The following EPS8 variants were observed in gnomAD, a reference collection of about 807,000 sequenced individuals.
EPS8 encodes the protein epidermal growth factor receptor kinase substrate 8.
In EPS8, 42 loss-of-function variants were observed where a neutral mutation model predicts 103.8. The ratio of observed to expected loss-of-function variants is 0.40; its 90% CI spans 0.32 to 0.52. The LOEUF (loss-of-function observed/expected upper bound fraction) is 0.52, where lower values mean the gene tolerates loss of function less well. EPS8 is among the 20% of genes least tolerant of loss of function. EPS8 has a pLI of 0.40. For missense variants in EPS8, 969 were observed against 1,005.1 expected (o/e 0.96, Z 0.49); for synonymous variants, 344 against 344.6 (o/e 1.00, Z 0.02).
chr12:15,664,692 C>T (rs1276619344), intron 8 of EPS8, among the ~76,000 whole-genome samples: 2 of 152,032 alleles, frequency 1.3e-5, no homozygotes, highest in African/African-American at 2.4e-5. Flanking sequence ...AACTATAGTG[C>T]CAGATACCCT....
rs529821784 is a variant in EPS8, at chr12:15,740,103, T to A, written c.-22+49058A>T. On this transcript the variant is annotated intron_variant, in intron 1 of 20. Coordinates refer to ENST00000281172, the MANE Select transcript of EPS8 (RefSeq NM_004447.6). ...AGAAAAAATCGGAGCAGACTAGAAA[T>A]CTTGTGAGCAAAACACTAGAAAAAA... 9.2e-5 allele frequency among the ~76,000 whole-genome samples: 14 copies of A among 151,926 alleles called. No individual in the cohort carries two copies. In the South Asian group the frequency reaches 2.5e-3, roughly 27 times the overall value.
chr12:15,771,012 T>C lies in EPS8; in HGVS notation c.-22+18149A>G, dbSNP rs757630734. Among the ~76,000 whole-genome samples, 1 of 152,130 alleles carries C rather than the reference T, an allele frequency of 6.6e-6. No homozygotes were observed. Among genetic ancestry groups the C allele is most frequent in the Non-Finnish European group, 1.5e-5 (1 of 68,020 alleles). On this transcript the variant is annotated intron_variant, in intron 1 of 20. Coordinates refer to ENST00000281172, the MANE Select transcript of EPS8 (RefSeq NM_004447.6). The surrounding 1 kb of genome is among the most constrained non-coding windows in gnomAD (Gnocchi z 4.6). ...TACCTTAGAGGAGCTTGATACCTGGTATCAGGTAACACACATGTATATAAA... is the reference window on the plus strand; with the variant it reads ...TACCTTAGAGGAGCTTGATACCTGGCATCAGGTAACACACATGTATATAAA...
rs1003994641 is a variant in EPS8 at position 15,757,467 on chromosome 12, A to G, written c.-22+31694T>C. Among the ~76,000 whole-genome samples, 4 of 152,022 alleles carry G rather than the reference A, an allele frequency of 2.6e-5. No individual in the cohort carries two copies. The highest frequency in any genetic ancestry group is 5.9e-5 in the Non-Finnish European group (4 of 67,954). ...AACACGGTGAAACCTCATCTCTACT[A>G]AAAAATACAAAAATTAGCTAGGCGT... On this transcript the variant is annotated intron_variant, in intron 1 of 20. Coordinates refer to ENST00000281172, the MANE Select transcript of EPS8 (RefSeq NM_004447.6). The surrounding 1 kb of genome is among the most constrained non-coding windows in gnomAD (Gnocchi z 4.1).
Position 15,631,893 on chromosome 12 carries a change from G to A in EPS8, c.1822-229C>T, listed in dbSNP as rs149389175. On this transcript the variant is annotated intron_variant, in intron 17 of 20. Coordinates refer to ENST00000281172, the MANE Select transcript of EPS8 (RefSeq NM_004447.6). ...ATTAGTTAAGGAGTCACAAGGCTAC[G>A]TCAATAGCAAATAGTAGTATTATAG... 1,317 of 405,106 alleles carry A rather than the reference G, an allele frequency of 3.3e-3. 13 individuals are homozygous for A. The highest frequency in any genetic ancestry group is 0.022 in the African/African-American group (1,101 of 50,140). The allele number at this position is 405,106 out of a possible 1,614,324, so 25.1% of individuals were successfully genotyped here. A position where few individuals can be genotyped will look rare whatever the true frequency, so the allele number is the denominator to read the frequency against.
chr12:15,783,409 C>T (rs1417847848), intron 1 of EPS8, among the ~76,000 whole-genome samples: 3 of 152,060 alleles, frequency 2.0e-5, no homozygotes, highest in African/African-American at 7.2e-5. Context: ...ACAAAAATTT[C>T]TGACTGTGCA....
chr12:15,666,026 T>C (rs967840971), intron 7 of EPS8, 134 bp from the exon 8 acceptor site: 5 of 884,310 alleles, frequency 5.7e-6, no homozygotes, highest in Non-Finnish European at 8.6e-6. Flanking sequence ...TCCTAAGCAT[T>C]ACACATTATG....
chr12:15,700,867 T>A lies in EPS8; in HGVS notation c.-21-17895A>T, dbSNP rs1477167152. On this transcript the variant is annotated intron_variant, in intron 1 of 20. Coordinates refer to ENST00000281172, the MANE Select transcript of EPS8 (RefSeq NM_004447.6). This position sits in a 1 kb window ranked among gnomAD's most constrained non-coding sequence, Gnocchi z 5.1. ...ACACTGATTAGACAAAATTGAAGTCTATCACAAAATAGACAAAGGACATAT... is the reference window on the plus strand; with the variant it reads ...ACACTGATTAGACAAAATTGAAGTCAATCACAAAATAGACAAAGGACATAT... Among the ~76,000 whole-genome samples the A allele has an allele frequency of 6.6e-6, 1 of 152,186 alleles. No individual in the cohort carries two copies. Among genetic ancestry groups the A allele is most frequent in the Non-Finnish European group, 1.5e-5 (1 of 68,032 alleles).
At chr12:15,786,032 T>C (rs1032263368) in intron 1 of EPS8, among the ~76,000 whole-genome samples, 28 of 151,972 alleles carry the variant, frequency 1.8e-4, no homozygotes, top group Admixed American at 1.4e-3. Context: ...ATAATTTATA[T>C]AGATTTCTAC....
rs762332872 is a variant in EPS8, at chr12:15,621,439, T to C, written c.2356-9A>G. On this transcript the variant is annotated splice_polypyrimidine_tract_variant and intron_variant, in intron 20 of 20. Coordinates refer to ENST00000281172, the MANE Select transcript of EPS8 (RefSeq NM_004447.6). ...GAGCTGCCACTGCTATCCTGAAAGA[T>C]AAACAGTTCAGACAAGATAGTTACT... is the stretch of plus-strand genomic sequence containing the variant. The C allele has an allele frequency of 2.0e-6, 3 of 1,513,478 alleles. No homozygotes were observed. The highest frequency in any genetic ancestry group is 2.7e-6 in the Non-Finnish European group (3 of 1,096,302). The allele number at this position is 1,513,478 out of a possible 1,614,324, so 93.8% of individuals were successfully genotyped here.
chr12:15,712,275 G>GT (rs1484024343), intron 1 of EPS8, among the ~76,000 whole-genome samples: 12 of 151,812 alleles, frequency 7.9e-5, no homozygotes, highest in Non-Finnish European at 1.8e-4. Flanking sequence ...ATATTCAACT[G>GT]TATTTTAGGT....
rs1418564620 is a variant in EPS8 at position 15,735,443 on chromosome 12, C to G, written c.-21-52471G>C. On this transcript the variant is annotated intron_variant, in intron 1 of 20. Coordinates refer to ENST00000281172, the MANE Select transcript of EPS8 (RefSeq NM_004447.6). The surrounding 1 kb of genome is among the most constrained non-coding windows in gnomAD (Gnocchi z 4.4). Reference sequence around the variant, plus strand: ...ATCAAATATTGTCTTATGGCGCATCCCACGTTAATGCTACTTGACTTAATC... The same window carrying G: ...ATCAAATATTGTCTTATGGCGCATCGCACGTTAATGCTACTTGACTTAATC... Among the ~76,000 whole-genome samples the G allele has an allele frequency of 6.6e-6, 1 of 152,076 alleles. No homozygotes were observed. Among genetic ancestry groups the G allele is most frequent in the Non-Finnish European group, 1.5e-5 (1 of 68,012 alleles).
intron 11 of EPS8, 132 bp from the exon 12 acceptor site, chr12:15,658,285 A>G: frequency 1.5e-6 from 1 of 680,726 alleles, no homozygotes; most frequent in Non-Finnish European, 2.5e-6. Context: ...GCATGGATAG[A>G]GTGAGAATAG....
chr12:15,656,742 C>G (rs1049505562), intron 12 of EPS8, among the ~76,000 whole-genome samples: 1 of 152,086 alleles, frequency 6.6e-6, no homozygotes, highest in Non-Finnish European at 1.5e-5. Flanking sequence ...GGATACAACT[C>G]AATTTTGATA....
chr12:15,623,483 C>T (rs984397409), intron 19 of EPS8, among the ~76,000 whole-genome samples, 196 bp from the exon 20 acceptor site: 2 of 152,094 alleles, frequency 1.3e-5, no homozygotes, highest in Non-Finnish European at 2.9e-5. Flanking sequence ...TGAGGCTATA[C>T]AGATTATTAA....
chr12:15,743,657 G>T (rs989311504), intron 1 of EPS8, among the ~76,000 whole-genome samples: 1 of 152,120 alleles, frequency 6.6e-6, no homozygotes, highest in African/African-American at 2.4e-5. Flanking sequence ...AACAAGAAAT[G>T]GGGAAAGGAT....
chr12:15,720,088 T>C lies in EPS8; in HGVS notation c.-21-37116A>G, dbSNP rs372142003. Among the ~76,000 whole-genome samples the C allele has an allele frequency of 6.6e-4, 101 of 152,346 alleles. 1 individual carries two copies. In the South Asian group the frequency reaches 8.3e-3, roughly 12 times the overall value. ...ATATCCCAACTCCATACTTTAAGGC[T>C]ATACAACTTTGGCCACATTACTAAA... On this transcript the variant is annotated intron_variant, in intron 1 of 20. Coordinates refer to ENST00000281172, the MANE Select transcript of EPS8 (RefSeq NM_004447.6).
intron 3 of EPS8, among the ~76,000 whole-genome samples, chr12:15,677,401 A>C (rs1181936551): frequency 6.6e-6 from 1 of 152,160 alleles, no homozygotes; most frequent in Non-Finnish European, 1.5e-5. Flanking sequence ...GAGGCCCACT[A>C]TAGTGTCAGA....
At position 15,626,360 on chromosome 12, in the gene EPS8, G is replaced by C. The variant is rs370008772; in HGVS notation, c.2045-1953C>G. On this transcript the variant is annotated intron_variant, in intron 18 of 20. Transcript: ENST00000281172. Reference sequence around the variant, plus strand: ...TCTTTTAAAATGTAAGTCAGGCTAGGTGGCTCATGCCTGTAATCCAAGCAC... The same window carrying C: ...TCTTTTAAAATGTAAGTCAGGCTAGCTGGCTCATGCCTGTAATCCAAGCAC... Among the ~76,000 whole-genome samples, 47 of 152,230 alleles carry C rather than the reference G, an allele frequency of 3.1e-4. 1 individual carries two copies. In the South Asian group the frequency reaches 9.5e-3, roughly 31 times the overall value.
Position 15,698,531 on chromosome 12 carries a change from G to A in EPS8, c.-21-15559C>T, listed in dbSNP as rs11829666. Among the ~76,000 whole-genome samples the A allele has an allele frequency of 0.69, 103,361 of 150,076 alleles. 37,592 individuals carry two copies. The highest frequency in any genetic ancestry group is 0.86 in the East Asian group (4,427 of 5,130). The stretch of plus-strand genomic sequence containing the variant: ...AACTTCCTTATTTTCCTCAAATGGA[G>A]TGGAAAAATAAATCTTCATCCTCTT... On this transcript the variant is annotated intron_variant, in intron 1 of 20. Transcript: ENST00000281172. This position sits in a 1 kb window ranked among gnomAD's most constrained non-coding sequence, Gnocchi z 4.9.
Sources: allele counts gnomAD v4.1 joint callset (sites outside exome capture counted in the v4.1 genomes callset), GRCh38; gene constraint gnomAD v4.1.1; non-coding constraint Gnocchi (gnomAD v3.1); transcripts MANE v1.5; gene names NCBI Gene and HGNC (gene_info 2026-07-23, HGNC 2026-07-21).